COL4A5: variants seen among roughly 807,000 people sequenced by gnomAD.
COL4A5 encodes the protein collagen alpha-5(IV) chain.
Under a neutral mutation model 130.2 loss-of-function variants are expected in COL4A5, and 26 were observed. The observed-to-expected ratio is 0.20, with a 90% CI of 0.15 to 0.28. The LOEUF (loss-of-function observed/expected upper bound fraction) is 0.28, where lower values mean the gene tolerates loss of function less well. COL4A5 is among the 10% of genes least tolerant of loss of function. The probability of loss-of-function intolerance (pLI) is 1.00; values close to 1 mark genes in which losing one functional copy is unlikely to be tolerated. For missense variants in COL4A5, 1,131 were observed against 1,344.3 expected, an observed-to-expected ratio of 0.84 and a Z score of 2.48; for synonymous variants, 496 against 439.6, an observed-to-expected ratio of 1.13 and a Z score of -1.60.
At chrX:108,536,719 T>C (rs777953342) in intron 1 of COL4A5, among the ~76,000 whole-genome samples, 8 of 111,531 alleles carry the variant, frequency 7.2e-5, no homozygotes, top group Non-Finnish European at 1.5e-4. Flanking sequence ...TTCTTAACTT[T>C]GATAGCAATT....
In COL4A5 at chrX:108,586,875, C is replaced by T; in HGVS notation, c.1165+128C>T. 8.8e-6 allele frequency: 6 copies of T among 684,416 alleles called. No individual in the cohort carries two copies. The South Asian group carries it at 1.3e-4, about 14-fold the overall frequency. 56.4% of individuals were successfully genotyped at this position (684,416 alleles called of 1,213,427 possible). ...ACAAGTCCTTTTTAATTGACAGATA[C>T]TTCCCAACTCTTACTATACCTTCTC... On this transcript the variant is annotated intron_variant, in intron 19 of 52. Coordinates refer to ENST00000328300, the MANE Select transcript of COL4A5 (RefSeq NM_033380.3).
chrX:108,568,487 A>G (rs1248855187), intron 4 of COL4A5, 142 bp from the exon 5 acceptor site: 5 of 478,317 alleles, frequency 1.0e-5, no homozygotes, highest in Non-Finnish European at 1.8e-5. Flanking sequence ...CTAATGTTTC[A>G]AAGAACAATG....
At chrX:108,695,869 A>G (rs2068724938) in intron 52 of COL4A5, 1 of 218,312 alleles carries the variant, frequency 4.6e-6, no homozygotes, top group African/African-American at 2.9e-5. Flanking sequence ...GTACCTCAGG[A>G]TACTTCATTC....
intron 1 of COL4A5, among the ~76,000 whole-genome samples, chrX:108,447,017 T>G (rs948322802): frequency 9.0e-6 from 1 of 111,474 alleles, no homozygotes; most frequent in African/African-American, 3.3e-5. Flanking sequence ...TACTGATCTC[T>G]TCCCAGCTAT....
chrX:108,588,990 T>G (rs772016240), intron 19 of COL4A5, among the ~76,000 whole-genome samples: 6 of 111,854 alleles, frequency 5.4e-5, no homozygotes, highest in African/African-American at 1.9e-4. Flanking sequence ...AAGGGAATTC[T>G]GGATAAAATG....
intron 30 of COL4A5, among the ~76,000 whole-genome samples, chrX:108,618,948 C>T (rs1005956668): frequency 2.7e-5 from 3 of 110,765 alleles, no homozygotes; most frequent in Non-Finnish European, 5.7e-5. Flanking sequence ...TCTTGGAGCA[C>T]GTTTCAAAAG....
chrX:108,688,816 G>A (rs2068596886), intron 49 of COL4A5, among the ~76,000 whole-genome samples: 1 of 111,651 alleles, frequency 9.0e-6, no homozygotes, highest in Admixed American at 9.5e-5. Context: ...CAGTTTCTGG[G>A]ATCTCTATGA....
chrX:108,493,767 C>G (rs1390025462), intron 1 of COL4A5, among the ~76,000 whole-genome samples: 1 of 103,160 alleles, frequency 9.7e-6, no homozygotes, highest in Non-Finnish European at 2.0e-5. Context: ...GAGAGTTAAC[C>G]AGCATTTATA....
At chrX:108,463,965 T>A (rs1225597855) in intron 1 of COL4A5, among the ~76,000 whole-genome samples, 4 of 112,063 alleles carry the variant, frequency 3.6e-5, no homozygotes, top group African/African-American at 1.3e-4. Context: ...AACGTTACTA[T>A]GGCACTATAG....
chrX:108,569,686 T>G (rs1030413481), intron 6 of COL4A5, among the ~76,000 whole-genome samples: 8 of 111,409 alleles, frequency 7.2e-5, no homozygotes, highest in African/African-American at 2.6e-4. Context: ...TGTTTTTTGT[T>G]TTTTGTTTTT....
At chrX:108,650,854 A>G (rs1332776322) in intron 36 of COL4A5, among the ~76,000 whole-genome samples, 1 of 110,252 alleles carries the variant, frequency 9.1e-6, no homozygotes, top group Non-Finnish European at 1.9e-5. Context: ...TGGGTGCACC[A>G]AAATCTCACA....
At chrX:108,687,716 T>G in intron 49 of COL4A5, 22 bp downstream of exon 49, 1 of 1,179,873 alleles carries the variant, frequency 8.5e-7, no homozygotes, top group Non-Finnish European at 1.2e-6. Flanking sequence ...AATATCTAAT[T>G]TCCTACTGTG....
At chrX:108,526,062 A>G (rs985642711) in intron 1 of COL4A5, among the ~76,000 whole-genome samples, 3 of 111,603 alleles carry the variant, frequency 2.7e-5, no homozygotes, top group African/African-American at 6.5e-5. Flanking sequence ...CAGAGCTTCT[A>G]TAACAGGACA....
At chrX:108,520,959 T>G (rs2065259408) in intron 1 of COL4A5, among the ~76,000 whole-genome samples, 1 of 111,941 alleles carries the variant, frequency 8.9e-6, no homozygotes, top group Non-Finnish European at 1.9e-5. Context: ...TTCCAGGGTA[T>G]CTATGTGTGT....
intron 50 of COL4A5, chrX:108,694,605 G>T (rs1246608114): frequency 2.3e-6 from 1 of 439,239 alleles, no homozygotes; most frequent in Non-Finnish European, 4.0e-6. Context: ...GCAGTTTTTT[G>T]AAAAAAGTTT....
At chrX:108,681,034 C>A in intron 46 of COL4A5, 78 bp downstream of exon 46, 1 of 923,469 alleles carries the variant, frequency 1.1e-6, no homozygotes, top group Non-Finnish European at 1.6e-6. Context: ...TTCTGTCTTT[C>A]AGCCAGACCA....
intron 30 of COL4A5, among the ~76,000 whole-genome samples, chrX:108,616,828 A>T (rs2066936731): frequency 9.1e-6 from 1 of 109,656 alleles, no homozygotes; most frequent in Non-Finnish European, 1.9e-5. Flanking sequence ...AGGACTTATA[A>T]CCAGATATAA....
At position 108,518,246 on chromosome X, in the gene COL4A5, T is replaced by A. The variant is rs753891640; in HGVS notation, c.82-21500T>A. Among the ~76,000 whole-genome samples, 7 of 111,268 alleles carry A rather than the reference T, an allele frequency of 6.3e-5. No homozygotes were observed. The South Asian group carries it at 2.6e-3, about 41-fold the overall frequency. ...TAATAAGGTAACGATTTTTAAAAGGTCCCATTTCACTATTTCCAAATGGTA... is the reference window on the plus strand; with the variant it reads ...TAATAAGGTAACGATTTTTAAAAGGACCCATTTCACTATTTCCAAATGGTA... On this transcript the variant is annotated intron_variant, in intron 1 of 52. Coordinates refer to ENST00000328300, the MANE Select transcript of COL4A5 (RefSeq NM_033380.3).
At chrX:108,531,370 T>TAAATAAA (rs1556380260) in intron 1 of COL4A5, among the ~76,000 whole-genome samples, 13 of 96,092 alleles carry the variant, frequency 1.4e-4, no homozygotes, top group South Asian at 5.2e-4. Flanking sequence ...AATAATGAAA[T>TAAATAAA]AAATAAATAA....
Sources: allele counts gnomAD v4.1 joint callset (sites outside exome capture counted in the v4.1 genomes callset), GRCh38; gene constraint gnomAD v4.1.1; transcripts MANE v1.5; gene names NCBI Gene and HGNC (gene_info 2026-07-23, HGNC 2026-07-21).